The following SLC4A10 variants were observed in gnomAD, a reference collection of about 807,000 sequenced individuals.
The protein encoded by SLC4A10 is sodium-driven chloride bicarbonate exchanger.
In SLC4A10, 42 loss-of-function variants were observed where a neutral mutation model predicts 137.7. The ratio of observed to expected loss-of-function variants is 0.30; its 90% CI spans 0.24 to 0.39. The LOEUF is 0.39. Among genes scored for constraint, SLC4A10 ranks in the 10% least tolerant of loss-of-function variants. The pLI is 1.00. For synonymous variants in SLC4A10, 474 were observed against 464.1 expected (o/e 1.02, Z -0.27); for missense variants, 925 against 1,355.0 (o/e 0.68, Z 4.98).
chr2:161,975,203 T>G (rs1699201029), intron 24 of SLC4A10, among the ~76,000 whole-genome samples: 1 of 152,178 alleles, frequency 6.6e-6, no homozygotes, highest in Admixed American at 6.5e-5. Flanking sequence ...TTTTATCTTT[T>G]TTTTCTTTTT....
chr2:161,807,774 T>C (rs1314673675), intron 3 of SLC4A10, among the ~76,000 whole-genome samples: 2 of 152,144 alleles, frequency 1.3e-5, no homozygotes, highest in Admixed American at 6.6e-5. Flanking sequence ...CAGCATTTTA[T>C]TTAAAATGTT....
chr2:161,693,669 CTTT>C (rs774199734), intron 1 of SLC4A10, among the ~76,000 whole-genome samples: 9 of 115,254 alleles, frequency 7.8e-5, no homozygotes, highest in South Asian at 5.5e-4. Context: ...ACAAATTCGA[CTTT>C]TTTTTTTTTT....
intron 5 of SLC4A10, among the ~76,000 whole-genome samples, chr2:161,855,541 G>A (rs530364910): frequency 2.0e-5 from 3 of 152,158 alleles, no homozygotes; most frequent in East Asian, 1.9e-4. Context: ...AGAAAGGTAC[G>A]GCCATTCATT....
At chr2:161,866,637 CTGAAAAGGG>C (rs1291252645) in intron 6 of SLC4A10, among the ~76,000 whole-genome samples, 1 of 151,760 alleles carries the variant, frequency 6.6e-6, no homozygotes, top group African/African-American at 2.4e-5. Flanking sequence ...CATTAGTACC[CTGAAAAGGG>C]TATGGGTGGT....
intron 1 of SLC4A10, among the ~76,000 whole-genome samples, chr2:161,760,369 T>C (rs188327146): frequency 2.0e-3 from 299 of 152,108 alleles, no homozygotes; most frequent in African/African-American, 6.9e-3. Context: ...TTAAGAATTA[T>C]ATACAAATAC....
At chr2:161,784,092 T>C (rs1348189076) in intron 2 of SLC4A10, among the ~76,000 whole-genome samples, 1 of 151,726 alleles carries the variant, frequency 6.6e-6, no homozygotes, top group African/African-American at 2.4e-5. Flanking sequence ...TGACTATACT[T>C]ATATCAGATA....
chr2:161,760,005 C>T (rs1297656131), intron 1 of SLC4A10, among the ~76,000 whole-genome samples: 3 of 151,660 alleles, frequency 2.0e-5, no homozygotes, highest in Non-Finnish European at 4.4e-5. Flanking sequence ...GGCTTTTTTC[C>T]TGGATGCTTT....
At chr2:161,780,518 A>G (rs2052881293) in intron 2 of SLC4A10, among the ~76,000 whole-genome samples, 1 of 152,024 alleles carries the variant, frequency 6.6e-6, no homozygotes, top group Admixed American at 6.6e-5. Context: ...GCTCAGTACC[A>G]GTTTCAGGCA....
intron 16 of SLC4A10, among the ~76,000 whole-genome samples, chr2:161,943,342 A>G (rs1379128937): frequency 1.3e-5 from 2 of 152,052 alleles, no homozygotes; most frequent in African/African-American, 4.8e-5. Flanking sequence ...GGAGGAACAA[A>G]TATCACTTTT....
rs550178550 is a variant in SLC4A10, at chr2:161,916,459, C to T, written c.1997+10572C>T. ...TCTAGCTGGTGTCTTTAATTTTATGCGTACTCTTCCACAGACTGTTCTCTA... is the reference window on the plus strand; with the variant it reads ...TCTAGCTGGTGTCTTTAATTTTATGTGTACTCTTCCACAGACTGTTCTCTA... On this transcript the variant is annotated intron_variant, in intron 15 of 26. Transcript: ENST00000446997. 1.4e-4 allele frequency among the ~76,000 whole-genome samples: 22 copies of T among 152,258 alleles called. No homozygotes were observed. The South Asian group carries it at 3.3e-3, about 23-fold the overall frequency.
chr2:161,719,622 T>A (rs1338650377), intron 1 of SLC4A10, among the ~76,000 whole-genome samples: 1 of 152,232 alleles, frequency 6.6e-6, no homozygotes, highest in Non-Finnish European at 1.5e-5. Flanking sequence ...TATCTCATTG[T>A]GGTTTTGATT....
At chr2:161,920,682 G>A (rs1414989066) in intron 15 of SLC4A10, among the ~76,000 whole-genome samples, 1 of 152,106 alleles carries the variant, frequency 6.6e-6, no homozygotes, top group Admixed American at 6.5e-5. Context: ...TGGGGGAGGT[G>A]GTGCTCTTCA....
At chr2:161,847,177 T>A (rs932748272) in intron 4 of SLC4A10, among the ~76,000 whole-genome samples, 4 of 151,732 alleles carry the variant, frequency 2.6e-5, no homozygotes, top group Non-Finnish European at 4.4e-5. Context: ...CAGGAGGTTG[T>A]GGCTGCAGTG....
Position 161,705,319 on chromosome 2 carries a change from TC to T in SLC4A10, c.49-65651del, listed in dbSNP as rs762049409. ...CTGACCTTGGGTATGTCACTTAACT[TC>T]CCTAGATTTTAGTTTTCCCCATCTG... On this transcript the variant is annotated intron_variant, in intron 1 of 26. Coordinates refer to ENST00000446997, the MANE Select transcript of SLC4A10 (RefSeq NM_001178015.2). Among the ~76,000 whole-genome samples, 16 of 151,598 alleles carry T rather than the reference TC, an allele frequency of 1.1e-4. 1 individual carries two copies. In the South Asian group the frequency reaches 2.5e-3, roughly 24 times the overall value.
At chr2:161,742,048 A>G (rs1010895790) in intron 1 of SLC4A10, among the ~76,000 whole-genome samples, 5 of 152,138 alleles carry the variant, frequency 3.3e-5, no homozygotes, top group African/African-American at 1.2e-4. Context: ...TTTAATTTTT[A>G]GCTCCCATAA....
chr2:161,932,133 T>C (rs933260009), intron 15 of SLC4A10, among the ~76,000 whole-genome samples: 2 of 152,138 alleles, frequency 1.3e-5, no homozygotes, highest in Non-Finnish European at 2.9e-5. Flanking sequence ...AACAGAGAAA[T>C]CAATTTGGGA....
intron 9 of SLC4A10, among the ~76,000 whole-genome samples, chr2:161,879,764 T>C (rs2061651283): frequency 6.6e-6 from 1 of 152,046 alleles, no homozygotes; most frequent in African/African-American, 2.4e-5. Context: ...GCGTCAAATA[T>C]ATGTTTCAAT....
chr2:161,725,236 G>A (rs969336386), intron 1 of SLC4A10, among the ~76,000 whole-genome samples: 17 of 152,130 alleles, frequency 1.1e-4, no homozygotes, highest in African/African-American at 4.1e-4. Flanking sequence ...TACCTTTGTA[G>A]TATGGCACAT....
intron 6 of SLC4A10, among the ~76,000 whole-genome samples, 155 bp downstream of exon 6, chr2:161,863,217 T>C (rs1170761072): frequency 6.6e-6 from 1 of 152,180 alleles, no homozygotes; most frequent in Non-Finnish European, 1.5e-5. Context: ...ATTCTTATTA[T>C]CAAGCATCAA....
Sources: allele counts gnomAD v4.1 joint callset (sites outside exome capture counted in the v4.1 genomes callset), GRCh38; gene constraint gnomAD v4.1.1; transcripts MANE v1.5; gene names NCBI Gene and HGNC (gene_info 2026-07-23, HGNC 2026-07-21).